Variants in MRTFA observed in about 807,000 individuals in gnomAD.
MRTFA encodes the protein myocardin-related transcription factor A.
MRTFA carries 20 observed loss-of-function variants against 83.5 expected under a neutral mutation model. The ratio of observed to expected loss-of-function variants is 0.24; its 90% CI spans 0.17 to 0.35. The LOEUF (loss-of-function observed/expected upper bound fraction) is 0.35, where lower values mean the gene tolerates loss of function less well. Ranked by LOEUF, MRTFA falls within the 10% of genes least tolerant of loss-of-function variation. MRTFA has a pLI of 1.00. For synonymous variants in MRTFA, 659 were observed against 541.2 expected, an observed-to-expected ratio of 1.22 and a Z score of -3.02; for missense variants, 1,200 against 1,224.7, an observed-to-expected ratio of 0.98 and a Z score of 0.30.
At chr22:40,459,215 G>A (rs2053650570) in intron 4 of MRTFA, among the ~76,000 whole-genome samples, 2 of 133,688 alleles carry the variant, frequency 1.5e-5, no homozygotes, top group South Asian at 4.9e-4. Context: ...GTGAGGGAGG[G>A]TTACTCACTA....
At chr22:40,524,536 A>G (rs928407167) in intron 3 of MRTFA, among the ~76,000 whole-genome samples, 7 of 152,222 alleles carry the variant, frequency 4.6e-5, no homozygotes, top group South Asian at 2.1e-4. Context: ...ATAAATTTCA[A>G]TAAGTCTTAC....
chr22:40,481,382 G>A (rs1022328892), intron 3 of MRTFA, among the ~76,000 whole-genome samples: 8 of 152,138 alleles, frequency 5.3e-5, no homozygotes, highest in Admixed American at 5.2e-4. Flanking sequence ...GATACTTACA[G>A]GTGATAAAAC....
At chr22:40,431,106 C>T (rs767501155) in intron 6 of MRTFA, among the ~76,000 whole-genome samples, 2 of 152,184 alleles carry the variant, frequency 1.3e-5, no homozygotes, top group African/African-American at 2.4e-5. Context: ...CAGAGTCAGA[C>T]TGTGTCTTAA....
chr22:40,435,326 G>T (rs1173677485), intron 5 of MRTFA, among the ~76,000 whole-genome samples, 173 bp downstream of exon 5: 1 of 152,224 alleles, frequency 6.6e-6, no homozygotes, highest in African/African-American at 2.4e-5. Flanking sequence ...AAGGGATGAA[G>T]TAGGAGAAGC....
intron 4 of MRTFA, among the ~76,000 whole-genome samples, chr22:40,456,930 A>C (rs901780960): frequency 2.0e-5 from 3 of 152,208 alleles, no homozygotes; most frequent in Non-Finnish European, 4.4e-5. Context: ...TTTTTTAAAA[A>C]ATTTAGTTTT....
intron 2 of MRTFA, among the ~76,000 whole-genome samples, chr22:40,568,776 C>T (rs2055742231): frequency 6.6e-6 from 1 of 152,148 alleles, no homozygotes; most frequent in South Asian, 2.1e-4. Flanking sequence ...TTATAAAGTG[C>T]TAAGACACAC....
In MRTFA at chr22:40,417,459, G is replaced by A. The variant is rs1163168337; in HGVS notation, c.2399C>T (p.Pro800Leu). 2 of 1,598,402 alleles carry A rather than the reference G, an allele frequency of 1.3e-6. No homozygotes were observed. Among genetic ancestry groups the A allele is most frequent in the South Asian group, 1.1e-5 (1 of 88,932 alleles). Residue 800 changes from proline (P) to leucine (L), a missense_variant, in exon 13 of 15, where the codon CCC (proline) becomes CTC (leucine). Transcript: ENST00000355630. ...GTGCTCCAGGTCCATCTGGGCAGAG[G>A]GGGCAGGCGCTGGAGAGCCAGGCTG...
intron 4 of MRTFA, among the ~76,000 whole-genome samples, chr22:40,457,480 AAGAAAGAAGGAAAGAAAGAAAG>A (rs1351226144): frequency 7.1e-6 from 1 of 140,214 alleles, no homozygotes; most frequent in East Asian, 2.5e-4. Flanking sequence ...GAAAGAAAGA[AAGAAAGAAGGAAAGAAAGAAAG>A]AGAAAGAAAG....
intron 3 of MRTFA, among the ~76,000 whole-genome samples, chr22:40,491,345 A>G (rs1322199448): frequency 6.6e-6 from 1 of 152,186 alleles, no homozygotes; most frequent in African/African-American, 2.4e-5. Flanking sequence ...CCTGTCTTAA[A>G]AAAAAAACAA....
intron 2 of MRTFA, among the ~76,000 whole-genome samples, chr22:40,590,813 TAACCAATAA>T (rs1008986954): frequency 1.3e-5 from 2 of 151,112 alleles, no homozygotes; most frequent in Non-Finnish European, 1.5e-5. Flanking sequence ...ACACAAGAAA[TAACCAATAA>T]ATTATTCCCT....
intron 3 of MRTFA, among the ~76,000 whole-genome samples, chr22:40,535,079 A>C (rs2055144804): frequency 6.6e-6 from 1 of 152,166 alleles, no homozygotes; most frequent in South Asian, 2.1e-4. Context: ...CTCTATATAG[A>C]ACTGTGGGAA....
chr22:40,418,229 C>G lies in MRTFA; in HGVS notation c.2364+145G>C, dbSNP rs369784574. 3,084 of 1,437,654 alleles carry G rather than the reference C, an allele frequency of 2.1e-3. 9 individuals are homozygous for G. The highest frequency in any genetic ancestry group is 4.5e-3 in the South Asian group (306 of 68,550). 89.1% of individuals were successfully genotyped at this position (1,437,654 alleles called of 1,614,324 possible). On this transcript the variant is annotated intron_variant, in intron 12 of 14. Coordinates refer to ENST00000355630, the MANE Select transcript of MRTFA (RefSeq NM_020831.6). The stretch of plus-strand genomic sequence containing the variant: ...GGCAGGTCCCTTAACTTTCCTAAGT[C>G]TCAGTACCCCCCTGGTGAAGGAAGA...
chr22:40,552,026 A>G, intron 3 of MRTFA, 80 bp downstream of exon 3: 2 of 396,276 alleles, frequency 5.0e-6, no homozygotes, highest in Non-Finnish European at 8.9e-6. Context: ...GGAACATCAA[A>G]TAAAGTAAGA....
chr22:40,492,456 T>C (rs745558170), intron 3 of MRTFA, among the ~76,000 whole-genome samples: 16 of 152,176 alleles, frequency 1.1e-4, no homozygotes, highest in Non-Finnish European at 1.9e-4. Context: ...TTTCAATGTG[T>C]AGAGCTGGAA....
At chr22:40,453,603 T>C (rs1309545336) in intron 4 of MRTFA, among the ~76,000 whole-genome samples, 1 of 152,170 alleles carries the variant, frequency 6.6e-6, no homozygotes, top group Non-Finnish European at 1.5e-5. Flanking sequence ...GGATTTGCCC[T>C]TGCCTTAGTC....
At chr22:40,511,601 G>A (rs1237843142) in intron 3 of MRTFA, among the ~76,000 whole-genome samples, 1 of 152,154 alleles carries the variant, frequency 6.6e-6, no homozygotes, top group Non-Finnish European at 1.5e-5. Flanking sequence ...CTGTTCCCTG[G>A]CATCTAGTTC....
intron 2 of MRTFA, among the ~76,000 whole-genome samples, chr22:40,570,768 C>T (rs2055778641): frequency 6.6e-6 from 1 of 151,574 alleles, no homozygotes; most frequent in Admixed American, 6.6e-5. Context: ...TCTGATATTG[C>T]AGAGCACCAA....
intron 2 of MRTFA, among the ~76,000 whole-genome samples, chr22:40,560,307 C>T (rs1015181925): frequency 2.6e-5 from 4 of 152,294 alleles, no homozygotes; most frequent in Admixed American, 2.0e-4. Flanking sequence ...GATGGGAAGA[C>T]TCAGTGAGAC....
intron 1 of MRTFA, among the ~76,000 whole-genome samples, chr22:40,597,247 C>T (rs889767445): frequency 6.6e-6 from 1 of 152,184 alleles, no homozygotes; most frequent in African/African-American, 2.4e-5. Context: ...AATAACGATC[C>T]ATTTAAACAA....
Sources: allele counts gnomAD v4.1 joint callset (sites outside exome capture counted in the v4.1 genomes callset), GRCh38; gene constraint gnomAD v4.1.1; transcripts MANE v1.5; gene names NCBI Gene and HGNC (gene_info 2026-07-23, HGNC 2026-07-21).